PTCHD4: variants seen among roughly 807,000 people sequenced by gnomAD.
PTCHD4 encodes the protein patched domain containing 4.
PTCHD4 carries 33 observed loss-of-function variants against 58.1 expected under a neutral mutation model. The ratio of observed to expected loss-of-function variants is 0.57; its 90% CI spans 0.43 to 0.76. The LOEUF is 0.76. Ranked by LOEUF, PTCHD4 falls within the 30% of genes least tolerant of loss-of-function variation. The pLI is 0.00. For synonymous variants in PTCHD4, 478 were observed against 409.6 expected (o/e 1.17, Z -2.02); for missense variants, 1,058 against 1,027.1 (o/e 1.03, Z -0.41).
chr6:48,040,041 C>A (rs1303593298), intron 3 of PTCHD4, among the ~76,000 whole-genome samples: 1 of 151,980 alleles, frequency 6.6e-6, no homozygotes, highest in African/African-American at 2.4e-5. Context: ...CTGATGCTGC[C>A]GATTAGTGGA....
intron 4 of PTCHD4, among the ~76,000 whole-genome samples, chr6:47,967,445 T>C (rs1561982724): frequency 6.6e-6 from 1 of 152,186 alleles, no homozygotes; most frequent in Non-Finnish European, 1.5e-5. Context: ...TCAATGAGCA[T>C]TGGCTTCAAT....
At chr6:48,052,702 C>A (rs1376833163) in intron 3 of PTCHD4, among the ~76,000 whole-genome samples, 1 of 151,898 alleles carries the variant, frequency 6.6e-6, no homozygotes, top group South Asian at 2.1e-4. Context: ...AGTGCTTTTG[C>A]CTTTCTGTCA....
intron 4 of PTCHD4, among the ~76,000 whole-genome samples, chr6:47,933,478 G>A (rs1013734803): frequency 2.0e-5 from 3 of 152,192 alleles, no homozygotes; most frequent in Admixed American, 6.5e-5. Context: ...AAATTTCAAA[G>A]TGATTATAAA....
chr6:48,027,078 T>G (rs1763273465), intron 3 of PTCHD4, among the ~76,000 whole-genome samples: 1 of 152,158 alleles, frequency 6.6e-6, no homozygotes, highest in Non-Finnish European at 1.5e-5. Context: ...TGTTTACATC[T>G]GTCTATATGT....
intron 1 of PTCHD4, among the ~76,000 whole-genome samples, chr6:48,097,490 G>C (rs1284717823): frequency 6.6e-6 from 1 of 152,070 alleles, no homozygotes; most frequent in Non-Finnish European, 1.5e-5. Context: ...CAAGTAGCAT[G>C]CTCATTTTTT....
intron 3 of PTCHD4, among the ~76,000 whole-genome samples, chr6:48,025,638 G>A (rs1763219525): frequency 6.6e-6 from 1 of 152,174 alleles, no homozygotes; most frequent in Non-Finnish European, 1.5e-5. Context: ...TGCTAAGTGG[G>A]TGTCTGCTTT....
At chr6:47,933,282 C>T (rs1032402272) in intron 4 of PTCHD4, among the ~76,000 whole-genome samples, 5 of 152,174 alleles carry the variant, frequency 3.3e-5, no homozygotes, top group African/African-American at 1.2e-4. Flanking sequence ...ACTTCAGATG[C>T]ATTTTCTAAG....
At chr6:47,880,234 G>A (rs563122697) in intron 4 of PTCHD4, among the ~76,000 whole-genome samples, 18 of 152,236 alleles carry the variant, frequency 1.2e-4, no homozygotes, top group African/African-American at 4.1e-4. Flanking sequence ...TTTTTCCCCT[G>A]AACACATATT....
At chr6:47,885,727 A>G (rs1764171334) in intron 4 of PTCHD4, among the ~76,000 whole-genome samples, 1 of 151,860 alleles carries the variant, frequency 6.6e-6, no homozygotes, top group Non-Finnish European at 1.5e-5. Context: ...CCAAACTCCT[A>G]CTCTTCTAAT....
At chr6:48,106,829 A>G (rs1765737232) in intron 1 of PTCHD4, among the ~76,000 whole-genome samples, 1 of 151,932 alleles carries the variant, frequency 6.6e-6, no homozygotes, top group Admixed American at 6.6e-5. Flanking sequence ...GAGCCAAATG[A>G]TGAGTTGAAC....
At chr6:48,051,034 A>G (rs1339027802) in intron 3 of PTCHD4, among the ~76,000 whole-genome samples, 3 of 152,046 alleles carry the variant, frequency 2.0e-5, no homozygotes, top group African/African-American at 4.8e-5. Context: ...TTGGAGTCCT[A>G]CAATTTGTAG....
At chr6:48,051,857 A>G (rs1415058903) in intron 3 of PTCHD4, among the ~76,000 whole-genome samples, 1 of 152,032 alleles carries the variant, frequency 6.6e-6, no homozygotes. Flanking sequence ...AGAGCTCTTG[A>G]GGAGGCTGAA....
At chr6:48,019,295 T>C (rs939822247) in intron 3 of PTCHD4, among the ~76,000 whole-genome samples, 37 of 151,976 alleles carry the variant, frequency 2.4e-4, no homozygotes, top group Admixed American at 2.4e-3. Context: ...CTATCGAGGA[T>C]AGAGTGGTAG....
chr6:47,977,539 C>G (rs1767738931), intron 4 of PTCHD4, among the ~76,000 whole-genome samples: 1 of 152,100 alleles, frequency 6.6e-6, no homozygotes, highest in African/African-American at 2.4e-5. Context: ...GGATCCTGCC[C>G]CAGTTGAAAT....
chr6:47,934,236 G>A (rs371086213), intron 4 of PTCHD4, among the ~76,000 whole-genome samples: 43 of 152,180 alleles, frequency 2.8e-4, no homozygotes, highest in Middle Eastern at 3.4e-3. Context: ...AGCTGCAGGC[G>A]GGAAGTGCTC....
At position 47,860,361 on chromosome 6, in the gene PTCHD4, T is replaced by C. The variant is rs190487906; in HGVS notation, c.*17942A>G. On this transcript the variant is annotated 3_prime_UTR_variant, in exon 5 of 5. Transcript: ENST00000339488. ...TCAATTAAGAAAAGACAAAGAAATA[T>C]ATGACTCTAAAAACAAATTCAGGTA... 1.3e-5 allele frequency among the ~76,000 whole-genome samples: 2 copies of C among 152,098 alleles called. No homozygotes were observed. The highest frequency in any genetic ancestry group is 3.9e-4 in the East Asian group (2 of 5,144).
At chr6:48,021,947 G>T (rs1202396862) in intron 3 of PTCHD4, among the ~76,000 whole-genome samples, 1 of 152,062 alleles carries the variant, frequency 6.6e-6, no homozygotes, top group Non-Finnish European at 1.5e-5. Context: ...CAAATATGGA[G>T]TACATATCTC....
intron 4 of PTCHD4, among the ~76,000 whole-genome samples, chr6:47,960,250 T>A (rs556505414): frequency 6.6e-6 from 1 of 151,790 alleles, no homozygotes; most frequent in Non-Finnish European, 1.5e-5. Context: ...GGAGATAAGA[T>A]AGAATAACAA....
intron 3 of PTCHD4, among the ~76,000 whole-genome samples, chr6:48,012,267 T>A (rs550748602): frequency 6.6e-6 from 1 of 152,318 alleles, no homozygotes; most frequent in South Asian, 2.1e-4. Flanking sequence ...TTTGTAGTTC[T>A]CCTTGAAGAG....
Sources: gnomAD v4.1 joint callset for allele counts (sites outside exome capture counted in the v4.1 genomes callset) on GRCh38, gnomAD v4.1.1 for gene constraint, MANE v1.5 for transcripts, NCBI Gene and HGNC (gene_info 2026-07-23, HGNC 2026-07-21) for gene names.